The following CYP19A1 variants were observed in gnomAD, a reference collection of about 807,000 sequenced individuals.
CYP19A1 encodes the protein aromatase.
In CYP19A1, 32 loss-of-function variants were observed where a neutral mutation model predicts 44.4. The ratio of observed to expected loss-of-function variants is 0.72; its 90% CI spans 0.54 to 0.97. The LOEUF is 0.97. Among genes scored for constraint, CYP19A1 ranks in the 50% least tolerant of loss-of-function variants. The pLI, the probability that CYP19A1 is intolerant of heterozygous loss-of-function variation, is 0.00. For synonymous variants in CYP19A1, 212 were observed against 215.6 expected (o/e 0.98, Z 0.14); for missense variants, 598 against 637.8 (o/e 0.94, Z 0.67).
chr15:51,274,223 A>G (rs1367745875), intron 1 of CYP19A1, among the ~76,000 whole-genome samples: 1 of 152,208 alleles, frequency 6.6e-6, no homozygotes, highest in Admixed American at 6.5e-5. Flanking sequence ...TTTGGAGACA[A>G]GGACCCTAGG....
intron 3 of CYP19A1, among the ~76,000 whole-genome samples, chr15:51,233,447 C>G (rs527888605): frequency 6.6e-6 from 1 of 152,264 alleles, no homozygotes; most frequent in East Asian, 1.9e-4. Flanking sequence ...CTGCTGTATT[C>G]CCAGAGTTTA....
intron 1 of CYP19A1, among the ~76,000 whole-genome samples, chr15:51,301,550 C>T (rs1328127738): frequency 6.6e-6 from 1 of 152,212 alleles, no homozygotes; most frequent in Non-Finnish European, 1.5e-5. Context: ...TGCATACTGA[C>T]CCCTATTTGG....
rs142315345 is a variant in CYP19A1 at position 51,251,081 on chromosome 15, G to T, written c.-38-8131C>A. Among the ~76,000 whole-genome samples, 631 of 152,272 alleles carry T rather than the reference G, an allele frequency of 4.1e-3. 4 individuals are homozygous for T. Among genetic ancestry groups the T allele is most frequent in the African/African-American group, 0.015 (615 of 41,542 alleles). ...CCTGTTCACTTCCCAGGCCTGCCAC[G>T]CCCGGGCTGAGGGGGAGCACTGAAA... is the stretch of plus-strand genomic sequence containing the variant. On this transcript the variant is annotated intron_variant, in intron 1 of 9. Coordinates refer to ENST00000396402, the MANE Select transcript of CYP19A1 (RefSeq NM_000103.4).
At chr15:51,302,753 C>A (rs1404860720) in intron 1 of CYP19A1, among the ~76,000 whole-genome samples, 2 of 152,232 alleles carry the variant, frequency 1.3e-5, no homozygotes, top group Non-Finnish European at 2.9e-5. Flanking sequence ...CTCTGGCAGG[C>A]CTTCTTTGAT....
At chr15:51,290,780 G>A (rs2035825451) in intron 1 of CYP19A1, among the ~76,000 whole-genome samples, 1 of 152,206 alleles carries the variant, frequency 6.6e-6, no homozygotes, top group Non-Finnish European at 1.5e-5. Flanking sequence ...ATACATAGGG[G>A]TTGAGATTTT....
At chr15:51,255,776 A>T (rs982103946) in intron 1 of CYP19A1, 1 of 152,254 alleles carries the variant, frequency 6.6e-6, no homozygotes, top group African/African-American at 2.4e-5. Context: ...GATATGATTT[A>T]AGTAATGAGA....
At chr15:51,224,234 C>A (rs1347763571) in intron 4 of CYP19A1, among the ~76,000 whole-genome samples, 3 of 152,080 alleles carry the variant, frequency 2.0e-5, no homozygotes, top group Non-Finnish European at 2.9e-5. Context: ...CCCAGTAAGT[C>A]AATACTTTCA....
chr15:51,229,147 T>G (rs1356490896), intron 3 of CYP19A1, among the ~76,000 whole-genome samples: 2 of 152,162 alleles, frequency 1.3e-5, no homozygotes, highest in Non-Finnish European at 2.9e-5. Flanking sequence ...TGCGATGTGT[T>G]CCATAGTCCT....
At chr15:51,286,496 A>AG (rs1483516031) in intron 1 of CYP19A1, among the ~76,000 whole-genome samples, 18 of 152,232 alleles carry the variant, frequency 1.2e-4, no homozygotes, top group Non-Finnish European at 1.8e-4. Context: ...ACCATCAGCC[A>AG]GTATGGTACA....
chr15:51,261,628 A>C (rs1376421331), intron 1 of CYP19A1, among the ~76,000 whole-genome samples: 1 of 152,192 alleles, frequency 6.6e-6, no homozygotes, highest in Non-Finnish European at 1.5e-5. Context: ...CTGCATAAGC[A>C]CTCGTGTTGC....
rs552622849 is a variant in CYP19A1, at chr15:51,330,297, G to A, written c.-39+8198C>T. 1.9e-4 allele frequency among the ~76,000 whole-genome samples: 29 copies of A among 152,234 alleles called. No individual in the cohort carries two copies. The South Asian group carries it at 5.0e-3, about 26-fold the overall frequency. On this transcript the variant is annotated intron_variant, in intron 1 of 9. Coordinates refer to ENST00000396402, the MANE Select transcript of CYP19A1 (RefSeq NM_000103.4). ...GGTGCACTTGGAGAAGTGGCACAGC[G>A]ACATCGTTGAGGTGTGTTGTGGACC...
At chr15:51,230,361 CCAGCCTCAGCAGGGA>C (rs2032932510) in intron 3 of CYP19A1, among the ~76,000 whole-genome samples, 1 of 152,124 alleles carries the variant, frequency 6.6e-6, no homozygotes, top group Non-Finnish European at 1.5e-5. Flanking sequence ...AGCTGAGTCC[CCAGCCTCAGCAGGGA>C]CAGTGCACAG....
At chr15:51,256,675 T>A (rs1264710209) in intron 1 of CYP19A1, among the ~76,000 whole-genome samples, 1 of 152,170 alleles carries the variant, frequency 6.6e-6, no homozygotes, top group Non-Finnish European at 1.5e-5. Flanking sequence ...AACCGGGTAA[T>A]GGAAGTAGCA....
chr15:51,255,310 G>A (rs878959618), intron 1 of CYP19A1, among the ~76,000 whole-genome samples: 1 of 152,198 alleles, frequency 6.6e-6, no homozygotes, highest in African/African-American at 2.4e-5. Context: ...TACCCAACAG[G>A]GTATGGGGAG....
chr15:51,313,612 C>A (rs957398811), intron 1 of CYP19A1, among the ~76,000 whole-genome samples: 1 of 152,162 alleles, frequency 6.6e-6, no homozygotes, highest in Non-Finnish European at 1.5e-5. Flanking sequence ...GCCTGGCCAA[C>A]ATGGTGAAAT....
At chr15:51,292,089 A>C (rs1419049353) in intron 1 of CYP19A1, among the ~76,000 whole-genome samples, 1 of 152,200 alleles carries the variant, frequency 6.6e-6, no homozygotes, top group Non-Finnish European at 1.5e-5. Flanking sequence ...TTCTTTCAAG[A>C]AATTTGGCAG....
intron 1 of CYP19A1, among the ~76,000 whole-genome samples, chr15:51,324,654 C>T (rs563517988): frequency 5.3e-5 from 8 of 152,298 alleles, no homozygotes; most frequent in Admixed American, 1.3e-4. Flanking sequence ...TGGTTAAAAA[C>T]GAAATGTCTA....
At chr15:51,272,745 A>G (rs1269670550) in intron 1 of CYP19A1, among the ~76,000 whole-genome samples, 1 of 152,170 alleles carries the variant, frequency 6.6e-6, no homozygotes, top group Admixed American at 6.5e-5. Context: ...TGTAATTATT[A>G]TAGGGGAAAA....
intron 6 of CYP19A1, among the ~76,000 whole-genome samples, chr15:51,217,043 T>C (rs370260751): frequency 6.6e-6 from 1 of 152,176 alleles, no homozygotes; most frequent in East Asian, 1.9e-4. Context: ...ACCTATACAC[T>C]TAAATACCCT....
Sources: allele counts gnomAD v4.1 joint callset (sites outside exome capture counted in the v4.1 genomes callset), GRCh38; gene constraint gnomAD v4.1.1; transcripts MANE v1.5; gene names NCBI Gene and HGNC (gene_info 2026-07-23, HGNC 2026-07-21).